RPS6KC1: variants seen among roughly 807,000 people sequenced by gnomAD.
RPS6KC1 encodes the protein ribosomal protein S6 kinase C1.
A neutral mutation model predicts 103.8 loss-of-function variants in RPS6KC1; 54 were observed. That is an observed-to-expected ratio of 0.52 (90% confidence interval 0.42 to 0.65). The LOEUF (loss-of-function observed/expected upper bound fraction) is 0.65. Among genes scored for constraint, RPS6KC1 ranks in the 30% least tolerant of loss-of-function variants. The pLI is 0.00. For missense variants in RPS6KC1, 1,151 were observed against 1,253.8 expected, an observed-to-expected ratio of 0.92 and a Z score of 1.24; for synonymous variants, 439 against 438.7, an observed-to-expected ratio of 1.00 and a Z score of -0.01.
chr1:213,439,866 GGAGA>G, the RPS6KC1 span, among the ~76,000 whole-genome samples: 5 of 148,666 alleles, frequency 3.4e-5, no homozygotes, highest in South Asian at 2.1e-4. Flanking sequence ...AGAGAGAGAA[GGAGA>G]GAGAGAGAGA....
At chr1:213,586,610 T>C in the RPS6KC1 span, among the ~76,000 whole-genome samples, 1 of 148,274 alleles carries the variant, frequency 6.7e-6, no homozygotes, top group Non-Finnish European at 1.5e-5. Flanking sequence ...AGACTCCAAC[T>C]TAAAAGAGTG....
the RPS6KC1 span, among the ~76,000 whole-genome samples, chr1:213,734,746 A>G: frequency 6.6e-6 from 1 of 152,236 alleles, no homozygotes; most frequent in African/African-American, 2.4e-5. Context: ...GTATCAATAC[A>G]TCTATTAGTT....
the RPS6KC1 span, among the ~76,000 whole-genome samples, chr1:213,403,005 G>C: frequency 6.7e-6 from 1 of 150,010 alleles, no homozygotes; most frequent in Non-Finnish European, 1.5e-5. Flanking sequence ...GCAGGTGCCT[G>C]TAGTCCCAGC....
the RPS6KC1 span, among the ~76,000 whole-genome samples, chr1:213,676,779 C>G: frequency 6.6e-6 from 1 of 152,222 alleles, no homozygotes; most frequent in Non-Finnish European, 1.5e-5. Context: ...ATCCTACCTC[C>G]TTGTATACCT....
intron 6 of RPS6KC1, among the ~76,000 whole-genome samples, chr1:213,165,000 A>AT (rs1289280191): frequency 1.3e-5 from 2 of 152,168 alleles, no homozygotes; most frequent in Admixed American, 1.3e-4. Flanking sequence ...TTAATTAAAC[A>AT]TTTTTTGGTC....
the RPS6KC1 span, among the ~76,000 whole-genome samples, chr1:213,745,942 G>A: frequency 2.0e-5 from 3 of 152,052 alleles, no homozygotes; most frequent in Non-Finnish European, 2.9e-5. Context: ...CTTGATCTAC[G>A]AGGACCCACT....
intron 14 of RPS6KC1, among the ~76,000 whole-genome samples, chr1:213,271,954 CATG>C (rs1183601196): frequency 6.6e-6 from 1 of 152,032 alleles, no homozygotes; most frequent in Non-Finnish European, 1.5e-5. Context: ...TTATTTTACA[CATG>C]ATTCCTATTT....
the RPS6KC1 span, among the ~76,000 whole-genome samples, chr1:213,286,397 A>G: frequency 1.1e-4 from 17 of 152,344 alleles, no homozygotes; most frequent in East Asian, 2.5e-3. Context: ...GAAACTATCA[A>G]AGATTTTTGG....
chr1:213,521,434 A>C, the RPS6KC1 span, among the ~76,000 whole-genome samples: 196 of 152,304 alleles, frequency 1.3e-3, 1 homozygote, highest in African/African-American at 4.6e-3. Flanking sequence ...CTAATGGCTG[A>C]TGACTGATCA....
At chr1:213,779,630 G>C in the RPS6KC1 span, among the ~76,000 whole-genome samples, 2 of 152,190 alleles carry the variant, frequency 1.3e-5, no homozygotes, top group African/African-American at 2.4e-5. Flanking sequence ...ATCATGGCTA[G>C]GAAGCCGGGA....
chr1:213,217,166 A>G (rs372855911), intron 8 of RPS6KC1, among the ~76,000 whole-genome samples: 1 of 151,700 alleles, frequency 6.6e-6, no homozygotes, highest in South Asian at 2.1e-4. Context: ...TCAAATAGAC[A>G]CAATAAAAAA....
chr1:213,082,627 A>G lies in RPS6KC1; in HGVS notation c.262+4811A>G, dbSNP rs1572409045. On this transcript the variant is annotated intron_variant, in intron 3 of 14. Coordinates refer to ENST00000366960, the MANE Select transcript of RPS6KC1 (RefSeq NM_012424.6). ...GGAAAGTTGAAAATGTACTTTGCAA[A>G]TGAACTGGGTAAGCTAGCTGAAGAG... Among the ~76,000 whole-genome samples, 4 of 152,330 alleles carry G rather than the reference A, an allele frequency of 2.6e-5. No individual in the cohort carries two copies. In the South Asian group the frequency reaches 8.3e-4, roughly 32 times the overall value.
the RPS6KC1 span, among the ~76,000 whole-genome samples, chr1:213,593,511 A>G: frequency 6.6e-6 from 1 of 152,220 alleles, no homozygotes; most frequent in African/African-American, 2.4e-5. Context: ...ACATAAAAGT[A>G]GTTCAGATTG....
chr1:213,679,566 T>C, the RPS6KC1 span, among the ~76,000 whole-genome samples: 1 of 152,120 alleles, frequency 6.6e-6, no homozygotes, highest in Non-Finnish European at 1.5e-5. Context: ...AGCCATAACC[T>C]CTATAGTCCT....
chr1:213,575,430 A>G, the RPS6KC1 span, among the ~76,000 whole-genome samples: 1 of 152,118 alleles, frequency 6.6e-6, no homozygotes, highest in East Asian at 1.9e-4. Flanking sequence ...CTCATCTTGA[A>G]TTGTAGTTCC....
chr1:213,534,257 C>T, the RPS6KC1 span, among the ~76,000 whole-genome samples: 3 of 152,094 alleles, frequency 2.0e-5, no homozygotes, highest in Non-Finnish European at 4.4e-5. Flanking sequence ...CCAGGTCAAG[C>T]CTGACTTTTA....
chr1:213,659,310 G>C, the RPS6KC1 span, among the ~76,000 whole-genome samples: 1 of 152,142 alleles, frequency 6.6e-6, no homozygotes, highest in Non-Finnish European at 1.5e-5. Context: ...TGAGAAGCTT[G>C]GATCACTGAA....
chr1:213,270,323 A>C (rs1277832502), intron 14 of RPS6KC1, among the ~76,000 whole-genome samples: 1 of 152,242 alleles, frequency 6.6e-6, no homozygotes, highest in Non-Finnish European at 1.5e-5. Context: ...TAAAGCCATA[A>C]AAATTGTAGA....
At chr1:213,401,637 G>A in the RPS6KC1 span, among the ~76,000 whole-genome samples, 1 of 152,086 alleles carries the variant, frequency 6.6e-6, no homozygotes, top group African/African-American at 2.4e-5. Flanking sequence ...CTCCAGAGTG[G>A]GCCCAGCCTG....
Sources: gnomAD v4.1 joint callset for allele counts (sites outside exome capture counted in the v4.1 genomes callset) on GRCh38, gnomAD v4.1.1 for gene constraint, MANE v1.5 for transcripts, NCBI Gene and HGNC (gene_info 2026-07-23, HGNC 2026-07-21) for gene names.